Variants in ZNF536 observed in about 807,000 individuals in gnomAD.
The protein encoded by ZNF536 is zinc finger protein 536.
A neutral mutation model predicts 84.5 loss-of-function variants in ZNF536; 13 were observed. The ratio of observed to expected loss-of-function variants is 0.15; its 90% CI spans 0.10 to 0.24. ZNF536 has a LOEUF of 0.24. ZNF536 is among the 10% of genes least tolerant of loss of function. The pLI is 1.00. For synonymous variants in ZNF536, 811 were observed against 742.5 expected, an observed-to-expected ratio of 1.09 and a Z score of -1.50; for missense variants, 1,536 against 1,747.5, an observed-to-expected ratio of 0.88 and a Z score of 2.16.
chr19:30,425,498 A>C (rs1227022579), intron 1 of ZNF536, among the ~76,000 whole-genome samples: 1 of 152,148 alleles, frequency 6.6e-6, no homozygotes, highest in Non-Finnish European at 1.5e-5. Flanking sequence ...CCAGGGGCTC[A>C]AATGTCACCA....
At chr19:30,540,958 A>G (rs895784618) in intron 3 of ZNF536, among the ~76,000 whole-genome samples, 1 of 152,214 alleles carries the variant, frequency 6.6e-6, no homozygotes. Flanking sequence ...TTTCCCCACT[A>G]GCACAGCGAG....
intron 1 of ZNF536, among the ~76,000 whole-genome samples, chr19:30,661,844 A>G (rs2050132318): frequency 1.3e-5 from 2 of 152,226 alleles, no homozygotes; most frequent in Admixed American, 1.3e-4. Context: ...ACATTGTATA[A>G]AAACATTAGA....
At chr19:30,582,399 T>C (rs1028503038) in intron 1 of ZNF536, among the ~76,000 whole-genome samples, 10 of 143,628 alleles carry the variant, frequency 7.0e-5, no homozygotes, top group East Asian at 6.0e-4. Context: ...TTTTTTTTTT[T>C]CAGACAGGGT....
intron 1 of ZNF536, among the ~76,000 whole-genome samples, chr19:30,258,203 C>T (rs1236421392): frequency 2.0e-5 from 3 of 152,146 alleles, no homozygotes; most frequent in African/African-American, 7.2e-5. Context: ...ATATGCTAAC[C>T]ATGAAGGTGT....
intron 1 of ZNF536, among the ~76,000 whole-genome samples, chr19:30,666,352 G>A (rs1176153490): frequency 6.6e-6 from 1 of 152,062 alleles, no homozygotes; most frequent in Non-Finnish European, 1.5e-5. Flanking sequence ...GGTCCGACAC[G>A]TTCCCTCCTG....
At chr19:30,421,207 AC>A (rs1208469209) in intron 1 of ZNF536, among the ~76,000 whole-genome samples, 1 of 152,082 alleles carries the variant, frequency 6.6e-6, no homozygotes, top group Non-Finnish European at 1.5e-5. Context: ...TTTTAAAATT[AC>A]TTTTTTTTCT....
chr19:30,239,289 A>G (rs2023765915), intron 1 of ZNF536, among the ~76,000 whole-genome samples: 1 of 152,178 alleles, frequency 6.6e-6, no homozygotes, highest in Admixed American at 6.5e-5. Flanking sequence ...ATCTTATTTA[A>G]CTTAATTCTG....
intron 1 of ZNF536, among the ~76,000 whole-genome samples, chr19:30,255,060 A>T (rs926431991): frequency 6.6e-6 from 1 of 152,208 alleles, no homozygotes; most frequent in Non-Finnish European, 1.5e-5. Context: ...TCTAGTGGGT[A>T]TTAATTCACA....
At chr19:30,345,812 G>A (rs1375068857) in intron 2 of ZNF536, among the ~76,000 whole-genome samples, 1 of 152,220 alleles carries the variant, frequency 6.6e-6, no homozygotes, top group Non-Finnish European at 1.5e-5. Context: ...CGGGGACTAG[G>A]TCGGCCTACC....
downstream of ZNF536, among the ~76,000 whole-genome samples, chr19:30,562,647 G>A (rs1038342639): frequency 6.6e-5 from 10 of 152,188 alleles, no homozygotes; most frequent in Middle Eastern, 3.4e-3. Context: ...ATACCAGTGT[G>A]TGAATCCAGG....
At chr19:30,268,534 T>C (rs767733120) in intron 1 of ZNF536, among the ~76,000 whole-genome samples, 1 of 152,124 alleles carries the variant, frequency 6.6e-6, no homozygotes, top group Admixed American at 6.5e-5. Context: ...CTGACATTTG[T>C]GTAGGGTGAA....
At chr19:30,275,392 A>T (rs1270976376) in intron 1 of ZNF536, among the ~76,000 whole-genome samples, 1 of 152,232 alleles carries the variant, frequency 6.6e-6, no homozygotes, top group African/African-American at 2.4e-5. Flanking sequence ...ACCCAGGTGC[A>T]GAATGGTGCC....
At chr19:30,417,146 G>GTTTTTTTT (rs1160366060) in intron 1 of ZNF536, among the ~76,000 whole-genome samples, 1 of 85,204 alleles carries the variant, frequency 1.2e-5, no homozygotes, top group African/African-American at 4.8e-5. Flanking sequence ...GCTAATTTTT[G>GTTTTTTTT]TATTTTTTTT....
chr19:30,622,465 T>A (rs2048517528), intron 1 of ZNF536, among the ~76,000 whole-genome samples: 1 of 152,224 alleles, frequency 6.6e-6, no homozygotes, highest in South Asian at 2.1e-4. Context: ...CACCGGTGGG[T>A]CAGAAGTGGC....
At chr19:30,655,225 T>C (rs966476003) in intron 1 of ZNF536, among the ~76,000 whole-genome samples, 11 of 152,218 alleles carry the variant, frequency 7.2e-5, no homozygotes, top group Non-Finnish European at 1.6e-4. Flanking sequence ...TTAATGGGTC[T>C]TGTAGAGTAT....
chr19:30,645,280 G>A (rs921616553), intron 1 of ZNF536, among the ~76,000 whole-genome samples: 1 of 152,156 alleles, frequency 6.6e-6, no homozygotes, highest in African/African-American at 2.4e-5. Context: ...CCTTTGTCAG[G>A]TGAGTAGATT....
At chr19:30,415,888 G>A (rs1382555143) in intron 1 of ZNF536, among the ~76,000 whole-genome samples, 4 of 152,138 alleles carry the variant, frequency 2.6e-5, no homozygotes, top group Non-Finnish European at 5.9e-5. Flanking sequence ...GGGATTATAG[G>A]CATGAGCCAT....
intron 2 of ZNF536, among the ~76,000 whole-genome samples, chr19:30,484,390 C>CTTTTTTTTTT (rs375461433): frequency 7.7e-5 from 9 of 117,442 alleles, no homozygotes; most frequent in African/African-American, 2.9e-4. Context: ...TCATGCCCAG[C>CTTTTTTTTTT]TTTTTTTTTT....
At chr19:30,442,929 A>G (rs1349907519) in intron 1 of ZNF536, among the ~76,000 whole-genome samples, 1 of 152,202 alleles carries the variant, frequency 6.6e-6, no homozygotes, top group Non-Finnish European at 1.5e-5. Context: ...TTGTTGACTA[A>G]AGCAAAATCC....
Sources: gnomAD v4.1 joint callset for allele counts (sites outside exome capture counted in the v4.1 genomes callset) on GRCh38, gnomAD v4.1.1 for gene constraint, MANE v1.5 for transcripts, NCBI Gene and HGNC (gene_info 2026-07-23, HGNC 2026-07-21) for gene names.